The following AP4E1 variants were observed in gnomAD, a reference collection of about 807,000 sequenced individuals.
AP4E1 encodes AP-4 complex subunit epsilon-1.
AP4E1 carries 56 observed loss-of-function variants against 128.2 expected under a neutral mutation model. The ratio of observed to expected loss-of-function variants is 0.44; its 90% CI spans 0.35 to 0.55. The LOEUF (loss-of-function observed/expected upper bound fraction) is 0.55. Ranked by LOEUF, AP4E1 falls within the 20% of genes least tolerant of loss-of-function variation. The pLI is 0.00. For missense variants in AP4E1, 1,324 were observed against 1,307.7 expected (o/e 1.01, Z -0.19); for synonymous variants, 484 against 473.1 (o/e 1.02, Z -0.30).
rs534811304 is a variant in AP4E1 at position 50,958,866 on chromosome 15, A to G, written c.1851+72A>G. On this transcript the variant is annotated intron_variant, in intron 14 of 20. Coordinates refer to ENST00000261842, the MANE Select transcript of AP4E1 (RefSeq NM_007347.5). ...ACAGAGTAATTCTTGCATTTGTGAC[A>G]TATCAGGAATATATCAAAATGTGGT... The G allele has an allele frequency of 9.8e-6, 14 of 1,433,260 alleles. No homozygotes were observed. The East Asian group carries it at 2.0e-4, about 21-fold the overall frequency. 88.8% of individuals were successfully genotyped at this position (1,433,260 alleles called of 1,614,324 possible). A position where few individuals can be genotyped will look rare whatever the true frequency, so the allele number is the denominator to read the frequency against.
At chr15:50,998,669 C>T (rs1357353582) in intron 18 of AP4E1, among the ~76,000 whole-genome samples, 1 of 151,904 alleles carries the variant, frequency 6.6e-6, no homozygotes, top group East Asian at 1.9e-4. Context: ...AAAAACAGAC[C>T]AAACCCTTCC....
chr15:50,945,799 A>G (rs2033482615), intron 10 of AP4E1: 2 of 762,292 alleles, frequency 2.6e-6, no homozygotes, highest in African/African-American at 3.5e-5. Flanking sequence ...ATTGAAGGAG[A>G]AATTTCAGCA....
At chr15:50,933,996 A>G (rs750180764) in intron 7 of AP4E1, among the ~76,000 whole-genome samples, 8 of 152,096 alleles carry the variant, frequency 5.3e-5, no homozygotes, top group Admixed American at 1.3e-4. Context: ...TTGTCTAACA[A>G]GCGTGGAGGC....
intron 18 of AP4E1, among the ~76,000 whole-genome samples, chr15:50,998,768 C>A (rs2064916929): frequency 6.6e-6 from 1 of 152,132 alleles, no homozygotes; most frequent in African/African-American, 2.4e-5. Flanking sequence ...TATTTAAATT[C>A]TTTTAAAAAT....
At chr15:50,947,415 CAAAAA>C (rs34715973) in intron 10 of AP4E1, among the ~76,000 whole-genome samples, 4 of 117,166 alleles carry the variant, frequency 3.4e-5, no homozygotes, top group Non-Finnish European at 3.5e-5. Context: ...GACCCTGTCT[CAAAAA>C]AAAAAAAAAA....
intron 3 of AP4E1, among the ~76,000 whole-genome samples, chr15:50,920,562 G>A (rs534988609): frequency 9.3e-5 from 14 of 150,410 alleles, no homozygotes; most frequent in African/African-American, 3.2e-4. Flanking sequence ...GCGTGCCACC[G>A]TGCCTGGCTA....
At chr15:50,984,192 G>T in intron 16 of AP4E1, 47 bp downstream of exon 16, 1 of 1,603,458 alleles carries the variant, frequency 6.2e-7, no homozygotes, top group Non-Finnish European at 8.5e-7. Flanking sequence ...GTGCTTAAAT[G>T]TCTTTTAGCG....
upstream of AP4E1, among the ~76,000 whole-genome samples, chr15:50,907,703 C>T (rs1343548166): frequency 6.6e-6 from 1 of 152,158 alleles, no homozygotes. Context: ...CTTGAAAACT[C>T]TGTACATTTC....
intron 18 of AP4E1, 89 bp downstream of exon 18, chr15:50,997,972 T>C (rs1282882283): frequency 2.0e-6 from 2 of 1,025,566 alleles, no homozygotes; most frequent in Non-Finnish European, 2.8e-6. Context: ...TTCACTTTTG[T>C]CATAAACACT....
chr15:51,002,781 G>T lies in AP4E1; in HGVS notation c.*119G>T. ...GAAAATGGGGATTATTACAAGTGTG[G>T]TTTATATGTTTTCTTTGTGATTCCT... On this transcript the variant is annotated 3_prime_UTR_variant, in exon 21 of 21. Coordinates refer to ENST00000261842, the MANE Select transcript of AP4E1 (RefSeq NM_007347.5). 7.8e-7 allele frequency: 1 copy of T among 1,274,992 alleles called. No individual in the cohort carries two copies. The allele number at this position is 1,274,992 out of a possible 1,614,324, so 79.0% of individuals were successfully genotyped here.
chr15:50,982,124 C>T (rs2064651765), intron 15 of AP4E1, among the ~76,000 whole-genome samples: 1 of 150,430 alleles, frequency 6.6e-6, no homozygotes, highest in Non-Finnish European at 1.5e-5. Flanking sequence ...GTTCAGCCCT[C>T]TCTTGCTCTT....
chr15:50,933,727 A>C (rs1365373189), intron 7 of AP4E1, among the ~76,000 whole-genome samples: 3 of 152,174 alleles, frequency 2.0e-5, no homozygotes, highest in African/African-American at 4.8e-5. Flanking sequence ...ATGAAAGTAC[A>C]TGCACTTAAC....
chr15:50,963,637 G>C (rs910283750), intron 14 of AP4E1, among the ~76,000 whole-genome samples: 5 of 152,142 alleles, frequency 3.3e-5, no homozygotes, highest in African/African-American at 1.2e-4. Context: ...AAGTTCTAGT[G>C]TTTGATGGCA....
chr15:50,945,191 AG>A (rs2064041169), intron 10 of AP4E1: 1 of 858,354 alleles, frequency 1.2e-6, no homozygotes, highest in Non-Finnish European at 2.0e-6. Context: ...GTGGACAGCA[AG>A]TAGACATTTG....
intron 2 of AP4E1, 75 bp from the exon 3 acceptor site, chr15:50,915,373 A>G (rs1254823248): frequency 6.8e-7 from 1 of 1,472,558 alleles, no homozygotes; most frequent in African/African-American, 1.4e-5. Context: ...TTCTCCTTTT[A>G]AATTATGAGA....
intron 16 of AP4E1, among the ~76,000 whole-genome samples, chr15:50,989,736 G>T (rs926119325): frequency 6.6e-6 from 1 of 152,132 alleles, no homozygotes; most frequent in African/African-American, 2.4e-5. Context: ...ACTGAACTAG[G>T]ATCTGGGGGG....
chr15:50,978,906 T>C (rs140145688), intron 15 of AP4E1, among the ~76,000 whole-genome samples: 1 of 152,344 alleles, frequency 6.6e-6, no homozygotes, highest in Non-Finnish European at 1.5e-5. Context: ...GAAAATAATG[T>C]GGTTTGAACT....
intron 1 of AP4E1, among the ~76,000 whole-genome samples, chr15:50,909,887 G>T (rs1171358821): frequency 6.6e-6 from 1 of 152,210 alleles, no homozygotes; most frequent in Non-Finnish European, 1.5e-5. Flanking sequence ...GGGTTTCACC[G>T]TGTTAGCGAG....
At chr15:50,991,609 T>A (rs967242088) in intron 16 of AP4E1, among the ~76,000 whole-genome samples, 1 of 152,142 alleles carries the variant, frequency 6.6e-6, no homozygotes, top group African/African-American at 2.4e-5. Flanking sequence ...TGAAGATATT[T>A]GTAAAGGGAT....
Sources: allele counts gnomAD v4.1 joint callset (sites outside exome capture counted in the v4.1 genomes callset), GRCh38; gene constraint gnomAD v4.1.1; transcripts MANE v1.5; gene names NCBI Gene and HGNC (gene_info 2026-07-23, HGNC 2026-07-21).